Variants in SSH1 observed in about 807,000 individuals in gnomAD.
SSH1 encodes the protein slingshot protein phosphatase 1, also known as protein phosphatase Slingshot homolog 1.
SSH1 carries 43 observed loss-of-function variants against 79.7 expected under a neutral mutation model. That is an observed-to-expected ratio of 0.54 (90% CI 0.42 to 0.70). SSH1 has a LOEUF of 0.70. SSH1 is among the 30% of genes least tolerant of loss of function. SSH1 has a pLI of 0.00. For synonymous variants in SSH1, 599 were observed against 538.3 expected (o/e 1.11, Z -1.56); for missense variants, 1,206 against 1,358.8 (o/e 0.89, Z 1.77).
chr12:108,857,399 A>G lies in SSH1; in HGVS notation c.69+29T>C. The G allele has an allele frequency of 9.9e-7, 1 of 1,008,646 alleles. No homozygotes were observed. Among genetic ancestry groups the G allele is most frequent in the Non-Finnish European group, 1.2e-6 (1 of 846,160 alleles). The allele number at this position is 1,008,646 out of a possible 1,614,324, so 62.5% of individuals were successfully genotyped here. On this transcript the variant is annotated intron_variant, in intron 1 of 14. Coordinates refer to ENST00000326495, the MANE Select transcript of SSH1 (RefSeq NM_018984.4). This position sits in a 1 kb window ranked among gnomAD's most constrained non-coding sequence, Gnocchi z 4.7. ...GCCTCGGCGCGGCGTCCGGCGGCCC[A>G]GGCCGGGCGCGGCGAGCCCGGGGCT...
chr12:108,792,832 G>A lies in SSH1; in HGVS notation c.1350-3C>T, dbSNP rs1313285711. ...ACAGCTTGTTGTGCCGCTGTTTGCTGCGGGGAGAGAGGGTAGAGGAAGGTG... is the reference window on the plus strand; with the variant it reads ...ACAGCTTGTTGTGCCGCTGTTTGCTACGGGGAGAGAGGGTAGAGGAAGGTG... On this transcript the variant is annotated splice_region_variant and splice_polypyrimidine_tract_variant and intron_variant, in intron 13 of 14. Coordinates refer to ENST00000326495, the MANE Select transcript of SSH1 (RefSeq NM_018984.4). 5.0e-6 allele frequency: 8 copies of A among 1,613,310 alleles called. No homozygotes were observed. The highest frequency in any genetic ancestry group is 6.8e-6 in the Non-Finnish European group (8 of 1,180,028).
chr12:108,802,687 G>A (rs1160624776), intron 10 of SSH1, among the ~76,000 whole-genome samples: 2 of 152,172 alleles, frequency 1.3e-5, no homozygotes, highest in Non-Finnish European at 2.9e-5. Context: ...CAGTGGGGGG[G>A]GGTCCTGTAA....
At chr12:108,853,689 C>T (rs1412175808) in intron 1 of SSH1, among the ~76,000 whole-genome samples, 2 of 152,090 alleles carry the variant, frequency 1.3e-5, no homozygotes, top group Non-Finnish European at 2.9e-5. Context: ...TGCAGGAGGC[C>T]GAGGTGGGCG....
chr12:108,850,826 G>A (rs1273619978), intron 2 of SSH1, among the ~76,000 whole-genome samples: 1 of 143,488 alleles, frequency 7.0e-6, no homozygotes, highest in Non-Finnish European at 1.5e-5. Context: ...CAGGTGGAGA[G>A]AGGAGCTGGT....
intron 5 of SSH1, 189 bp from the exon 6 acceptor site, chr12:108,811,517 G>A (rs916736710): frequency 6.1e-6 from 4 of 651,770 alleles, no homozygotes; most frequent in South Asian, 1.7e-5. Context: ...ACACAACTCC[G>A]TAAGTGCTCA....
At chr12:108,828,163 G>A (rs907342465) in intron 2 of SSH1, among the ~76,000 whole-genome samples, 1 of 152,190 alleles carries the variant, frequency 6.6e-6, no homozygotes, top group African/African-American at 2.4e-5. Context: ...CAAGAGGGAG[G>A]AGGGAGCATT....
chr12:108,824,886 C>G (rs979656089), intron 2 of SSH1, among the ~76,000 whole-genome samples: 4 of 152,154 alleles, frequency 2.6e-5, no homozygotes, highest in Non-Finnish European at 5.9e-5. Context: ...ACCATCAACT[C>G]TCAAAATTAT....
rs553272711 is a variant in SSH1 at position 108,814,148 on chromosome 12, C to T, written c.402-2820G>A. Among the ~76,000 whole-genome samples the T allele has an allele frequency of 1.6e-3, 245 of 151,952 alleles. 1 individual carries two copies. Among genetic ancestry groups the T allele is most frequent in the Non-Finnish European group, 2.2e-3 (152 of 67,928 alleles). Reference sequence around the variant, plus strand: ...CTGAGGCAGGAGAATCGCTTGAACGCGGGAGGCAGAGGTTGCAGTGAGCCA... The same window carrying T: ...CTGAGGCAGGAGAATCGCTTGAACGTGGGAGGCAGAGGTTGCAGTGAGCCA... On this transcript the variant is annotated intron_variant, in intron 5 of 14. Coordinates refer to ENST00000326495, the MANE Select transcript of SSH1 (RefSeq NM_018984.4).
In SSH1 at chr12:108,782,180, GCCT is replaced by G. The variant is rs2036153570; in HGVS notation, c.*5805_*5807del. On this transcript the variant is annotated 3_prime_UTR_variant, in exon 15 of 15. Coordinates refer to ENST00000326495, the MANE Select transcript of SSH1 (RefSeq NM_018984.4). ...AAAAAAAAAAAATGGAAGCAGCTCT[GCCT>G]CCTGAGTGTCCAAGGGAGAAGAGCC... 6.6e-6 allele frequency: 1 copy of G among 150,530 alleles called. No homozygotes were observed. The highest frequency in any genetic ancestry group is 6.6e-5 in the Admixed American group (1 of 15,094). The allele number at this position is 150,530 out of a possible 1,614,324, so 9.3% of individuals were successfully genotyped here.
intron 2 of SSH1, among the ~76,000 whole-genome samples, chr12:108,846,994 T>G (rs1293126240): frequency 1.3e-5 from 2 of 152,126 alleles, no homozygotes; most frequent in African/African-American, 4.8e-5. Flanking sequence ...CCTCCTGGGT[T>G]CAAGTGATTC....
At position 108,807,567 on chromosome 12, in the gene SSH1, G is replaced by A; in HGVS notation, c.731+66C>T. 1 of 1,533,728 alleles carries A rather than the reference G, an allele frequency of 6.5e-7. No individual in the cohort carries two copies. The highest frequency in any genetic ancestry group is 1.1e-5 in the South Asian group (1 of 88,478). ...AATGCAGGTTCAGGGTCGGGCACAG[G>A]GCAGGTGGGGGAGAGGCAGGTGCCT... On this transcript the variant is annotated intron_variant, in intron 8 of 14. Coordinates refer to ENST00000326495, the MANE Select transcript of SSH1 (RefSeq NM_018984.4). This position sits in a 1 kb window ranked among gnomAD's most constrained non-coding sequence, Gnocchi z 5.2.
chr12:108,831,204 CT>C (rs1297867377), intron 2 of SSH1, among the ~76,000 whole-genome samples: 4 of 152,280 alleles, frequency 2.6e-5, no homozygotes, highest in Non-Finnish European at 4.4e-5. Context: ...AACGGAATCA[CT>C]TTTCCCTGGA....
intron 13 of SSH1, among the ~76,000 whole-genome samples, chr12:108,794,343 G>A (rs756463652): frequency 2.6e-5 from 4 of 152,178 alleles, no homozygotes; most frequent in African/African-American, 7.2e-5. Flanking sequence ...TGACAGAACC[G>A]CAGGGCTTTT....
intron 13 of SSH1, among the ~76,000 whole-genome samples, chr12:108,796,574 C>T (rs1177964848): frequency 6.6e-6 from 1 of 152,074 alleles, no homozygotes; most frequent in Non-Finnish European, 1.5e-5. Context: ...GAATATGTCA[C>T]GTTTTGTTTG....
intron 2 of SSH1, chr12:108,836,860 C>T (rs754450213): frequency 5.8e-6 from 3 of 521,090 alleles, no homozygotes; most frequent in Admixed American, 2.0e-5. Flanking sequence ...TACACGTGCC[C>T]GGTGGAATCA....
intron 2 of SSH1, among the ~76,000 whole-genome samples, chr12:108,831,964 C>T (rs770550396): frequency 6.6e-6 from 1 of 152,200 alleles, no homozygotes; most frequent in Non-Finnish European, 1.5e-5. Context: ...CACAAATTCT[C>T]AGCACCTGAA....
At chr12:108,829,677 C>T (rs1244045998) in intron 2 of SSH1, among the ~76,000 whole-genome samples, 3 of 152,122 alleles carry the variant, frequency 2.0e-5, no homozygotes, top group Non-Finnish European at 4.4e-5. Flanking sequence ...TCCAAACACC[C>T]CTGAATTCCA....
intron 2 of SSH1, among the ~76,000 whole-genome samples, chr12:108,841,460 C>T (rs1162856752): frequency 1.3e-5 from 2 of 152,196 alleles, no homozygotes; most frequent in Non-Finnish European, 2.9e-5. Flanking sequence ...AGAATTAACT[C>T]TTCACGTCTC....
chr12:108,854,625 C>T (rs995290137), intron 1 of SSH1, among the ~76,000 whole-genome samples: 8 of 152,176 alleles, frequency 5.3e-5, no homozygotes, highest in Non-Finnish European at 8.8e-5. Flanking sequence ...TATGAAGTTG[C>T]AATTTGAAGA....
Sources: gnomAD v4.1 joint callset for allele counts (sites outside exome capture counted in the v4.1 genomes callset) on GRCh38, gnomAD v4.1.1 for gene constraint, Gnocchi (gnomAD v3.1) non-coding constraint, MANE v1.5 for transcripts, NCBI Gene and HGNC (gene_info 2026-07-23, HGNC 2026-07-21) for gene names.